GLIS3: variants seen among roughly 807,000 people sequenced by gnomAD.
GLIS3 encodes the protein zinc finger protein GLIS3.
Under a neutral mutation model 78.6 loss-of-function variants are expected in GLIS3, and 53 were observed. That is an observed-to-expected ratio of 0.67 (90% CI 0.54 to 0.85). The LOEUF is 0.85. GLIS3 is among the 40% of genes least tolerant of loss of function. The pLI is 0.00. For synonymous variants in GLIS3, 684 were observed against 509.9 expected (o/e 1.34, Z -4.60); for missense variants, 1,703 against 1,231.1 (o/e 1.38, Z -5.74).
intron 1 of GLIS3, among the ~76,000 whole-genome samples, chr9:4,287,314 A>G (rs1271724155): frequency 1.3e-5 from 2 of 152,218 alleles, no homozygotes; most frequent in African/African-American, 4.8e-5. Context: ...GACATTCAGT[A>G]AATCTACCAT....
At chr9:4,145,177 C>G (rs1332047261) in intron 2 of GLIS3, 1 of 152,184 alleles carries the variant, frequency 6.6e-6, no homozygotes, top group Non-Finnish European at 1.5e-5. Flanking sequence ...AAACACCACA[C>G]TATGGATGAG....
intron 2 of GLIS3, among the ~76,000 whole-genome samples, chr9:4,160,228 C>T (rs572393927): frequency 8.3e-4 from 127 of 152,284 alleles, no homozygotes; most frequent in African/African-American, 2.9e-3. Flanking sequence ...AATGGATGAA[C>T]GAATACCTGG....
chr9:4,288,206 T>G (rs761480765), intron 1 of GLIS3, among the ~76,000 whole-genome samples: 1 of 152,238 alleles, frequency 6.6e-6, no homozygotes, highest in Non-Finnish European at 1.5e-5. Flanking sequence ...AACAGTCACT[T>G]AATGTCTCTG....
chr9:3,955,948 G>C (rs7022290), intron 4 of GLIS3, among the ~76,000 whole-genome samples: 12 of 143,684 alleles, frequency 8.4e-5, no homozygotes, highest in African/African-American at 3.1e-4. Flanking sequence ...TAGTATATAC[G>C]TACAAGTGAT....
intron 2 of GLIS3, among the ~76,000 whole-genome samples, chr9:4,233,323 C>A (rs1254090244): frequency 1.3e-5 from 2 of 152,312 alleles, no homozygotes; most frequent in East Asian, 3.9e-4. Context: ...TAGGCTTGTA[C>A]TTTATACCAG....
intron 5 of GLIS3, among the ~76,000 whole-genome samples, 156 bp downstream of exon 5, chr9:3,936,872 C>G (rs1825926638): frequency 6.6e-6 from 1 of 152,134 alleles, no homozygotes; most frequent in African/African-American, 2.4e-5. Context: ...ATAAATAGGG[C>G]CCCATCTGGC....
At chr9:3,830,512 T>G (rs1169844772) in intron 9 of GLIS3, among the ~76,000 whole-genome samples, 2 of 152,202 alleles carry the variant, frequency 1.3e-5, no homozygotes, top group Admixed American at 6.5e-5. Flanking sequence ...ATTGTGAAGA[T>G]TAAGTGAGTC....
rs1329205505 is a variant in GLIS3, at chr9:4,069,278, C to G, written c.1710+48490G>C. On this transcript the variant is annotated intron_variant, in intron 4 of 10. Coordinates refer to ENST00000381971, the MANE Select transcript of GLIS3 (RefSeq NM_001042413.2). The stretch of plus-strand genomic sequence containing the variant: ...CTTACAGGTTGCTCTTCTGGGTCTC[C>G]TTCAGATTCTGGCCTGAAACTATTG... Among the ~76,000 whole-genome samples the G allele has an allele frequency of 2.6e-5, 4 of 152,200 alleles. 1 individual carries two copies. The South Asian group carries it at 6.2e-4, about 24-fold the overall frequency.
At chr9:3,896,422 T>C (rs889541198) in intron 7 of GLIS3, among the ~76,000 whole-genome samples, 2 of 151,918 alleles carry the variant, frequency 1.3e-5, no homozygotes, top group Admixed American at 1.3e-4. Flanking sequence ...CCCAGCACTT[T>C]TGGAGGCCGA....
rs565803136 is a variant in GLIS3, at chr9:3,890,858, T to A, written c.2128+7833A>T. Among the ~76,000 whole-genome samples the A allele has an allele frequency of 4.6e-5, 7 of 152,292 alleles. No individual in the cohort carries two copies. In the South Asian group the frequency reaches 1.2e-3, roughly 27 times the overall value. On this transcript the variant is annotated intron_variant, in intron 7 of 10. Coordinates refer to ENST00000381971, the MANE Select transcript of GLIS3 (RefSeq NM_001042413.2). The stretch of plus-strand genomic sequence containing the variant: ...TTTTGACATTGTGAGTTTGGGGGCA[T>A]TGCCACCCCAGTGATGGCTTTGTAA...
At chr9:4,119,005 G>C in intron 3 of GLIS3, 124 bp from the exon 4 acceptor site, 1 of 1,013,256 alleles carries the variant, frequency 9.9e-7, no homozygotes, top group East Asian at 2.6e-5. Flanking sequence ...ATTACATTCT[G>C]TGCTAAACAC....
chr9:4,282,801 T>C (rs916820743), intron 2 of GLIS3, among the ~76,000 whole-genome samples: 1 of 152,154 alleles, frequency 6.6e-6, no homozygotes, highest in Non-Finnish European at 1.5e-5. Flanking sequence ...TGTCTATTTC[T>C]CTGGAAAACC....
At chr9:4,407,700 T>C in the GLIS3 span, among the ~76,000 whole-genome samples, 63 of 152,188 alleles carry the variant, frequency 4.1e-4, no homozygotes, top group South Asian at 8.1e-3. Flanking sequence ...TCCAGAACAT[T>C]GGTCTGGGCA....
At chr9:4,456,856 G>C in the GLIS3 span, among the ~76,000 whole-genome samples, 1 of 152,160 alleles carries the variant, frequency 6.6e-6, no homozygotes, top group African/African-American at 2.4e-5. Context: ...TTGTATATGG[G>C]CATGGTTCAT....
intron 4 of GLIS3, among the ~76,000 whole-genome samples, chr9:4,065,269 C>T (rs906072738): frequency 6.6e-6 from 1 of 152,148 alleles, no homozygotes; most frequent in Non-Finnish European, 1.5e-5. Flanking sequence ...GTGCTAGCAA[C>T]ACAGCCCAAG....
At chr9:4,170,023 G>C (rs866653264) in intron 2 of GLIS3, among the ~76,000 whole-genome samples, 1 of 152,084 alleles carries the variant, frequency 6.6e-6, no homozygotes, top group East Asian at 1.9e-4. Context: ...GGCCCAAACC[G>C]TCTCTGATTC....
intron 2 of GLIS3, among the ~76,000 whole-genome samples, chr9:4,180,379 C>T (rs994362069): frequency 1.3e-5 from 2 of 152,188 alleles, no homozygotes; most frequent in African/African-American, 2.4e-5. Flanking sequence ...AGCCTCTCTG[C>T]CTCTTCCTAG....
At chr9:4,219,474 A>G (rs1048665672) in intron 2 of GLIS3, among the ~76,000 whole-genome samples, 1 of 152,222 alleles carries the variant, frequency 6.6e-6, no homozygotes, top group Non-Finnish European at 1.5e-5. Flanking sequence ...TCCTATGCAC[A>G]TCAGGATACA....
At chr9:4,307,619 G>T (rs1298548576) in intron 4 of GLIS3, among the ~76,000 whole-genome samples, 1 of 152,174 alleles carries the variant, frequency 6.6e-6, no homozygotes, top group East Asian at 1.9e-4. Flanking sequence ...AGGACTTAAG[G>T]CTGTGGATGG....
Sources: allele counts gnomAD v4.1 joint callset (sites outside exome capture counted in the v4.1 genomes callset), GRCh38; gene constraint gnomAD v4.1.1; transcripts MANE v1.5; gene names NCBI Gene and HGNC (gene_info 2026-07-23, HGNC 2026-07-21).